Variants in COL28A1 observed in about 807,000 individuals in gnomAD.
COL28A1 encodes the protein collagen alpha-1(XXVIII) chain.
In COL28A1, 161 loss-of-function variants were observed where a neutral mutation model predicts 150.2. The observed-to-expected ratio is 1.07, with a 90% CI of 0.94 to 1.22. The LOEUF (loss-of-function observed/expected upper bound fraction) is 1.22. COL28A1 is among the 50% of genes most tolerant of loss of function. COL28A1 has a pLI of 0.00. For missense variants in COL28A1, 1,617 were observed against 1,388.3 expected (o/e 1.16, Z -2.62); for synonymous variants, 552 against 469.7 (o/e 1.18, Z -2.26).
intron 27 of COL28A1, among the ~76,000 whole-genome samples, chr7:7,394,016 CCAAA>C (rs1221235641): frequency 2.0e-5 from 3 of 152,038 alleles, no homozygotes; most frequent in African/African-American, 7.2e-5. Flanking sequence ...CGGTGTCTGC[CCAAA>C]CAGCCTCCCA....
Position 7,502,849 on chromosome 7 carries a change from T to C in COL28A1, c.1026+3165A>G, listed in dbSNP as rs543944626. ...AGTAGCTGGGACTACAGGCGCCCGC[T>C]ACCACGCCCGGCTAATTTTTTGTAT... On this transcript the variant is annotated intron_variant, in intron 11 of 34. Coordinates refer to ENST00000399429, the MANE Select transcript of COL28A1 (RefSeq NM_001037763.3). 3.7e-3 allele frequency among the ~76,000 whole-genome samples: 353 copies of C among 96,608 alleles called. 146 individuals are homozygous for C. Among genetic ancestry groups the C allele is most frequent in the African/African-American group, 0.027 (330 of 12,182 alleles). The allele number at this position is 96,608 out of a possible 152,430, so 63.4% of individuals were successfully genotyped here. A position where few individuals can be genotyped will look rare whatever the true frequency, so the allele number is the denominator to read the frequency against.
At chr7:7,408,832 T>C (rs1460246719) in intron 27 of COL28A1, among the ~76,000 whole-genome samples, 1 of 152,174 alleles carries the variant, frequency 6.6e-6, no homozygotes, top group East Asian at 1.9e-4. Context: ...TCTCCATGTG[T>C]CAACTTTAAA....
intron 14 of COL28A1, among the ~76,000 whole-genome samples, chr7:7,476,557 C>A (rs567047377): frequency 1.3e-5 from 2 of 152,296 alleles, no homozygotes; most frequent in South Asian, 2.1e-4. Flanking sequence ...TTGCTATCTG[C>A]CCCTTTACAG....
At chr7:7,383,680 G>GTATATATATATATA (rs1366244976) in intron 27 of COL28A1, among the ~76,000 whole-genome samples, 1 of 46,352 alleles carries the variant, frequency 2.2e-5, no homozygotes, top group African/African-American at 5.5e-5. Flanking sequence ...GTGTGTGTGT[G>GTATATATATATATA]TGTATATATA....
intron 23 of COL28A1, among the ~76,000 whole-genome samples, chr7:7,434,316 T>C (rs1356362063): frequency 1.3e-5 from 2 of 152,188 alleles, no homozygotes; most frequent in South Asian, 2.1e-4. Context: ...ATTCCAACTA[T>C]GGGGAACTGG....
At chr7:7,522,387 C>T (rs1466224602) in intron 4 of COL28A1, among the ~76,000 whole-genome samples, 1 of 152,040 alleles carries the variant, frequency 6.6e-6, no homozygotes, top group Non-Finnish European at 1.5e-5. Flanking sequence ...ATTAAATGCT[C>T]CTTTACTAGG....
chr7:7,380,883 T>G, intron 28 of COL28A1, 21 bp from the exon 29 acceptor site: 1 of 1,592,744 alleles, frequency 6.3e-7, no homozygotes, highest in Non-Finnish European at 8.6e-7. Context: ...TAGGGTAAAA[T>G]GATAGGTTCA....
intron 15 of COL28A1, among the ~76,000 whole-genome samples, chr7:7,463,120 T>C (rs1425457148): frequency 6.6e-6 from 1 of 151,936 alleles, no homozygotes; most frequent in Non-Finnish European, 1.5e-5. Flanking sequence ...GGAGGAATAA[T>C]CGAGGAAAAC....
chr7:7,417,237 G>C (rs1391391601), intron 27 of COL28A1, among the ~76,000 whole-genome samples: 1 of 151,894 alleles, frequency 6.6e-6, no homozygotes, highest in East Asian at 1.9e-4. Flanking sequence ...CAGAAGCAAA[G>C]TGACATGCAG....
chr7:7,486,404 T>A (rs535489381), intron 13 of COL28A1, among the ~76,000 whole-genome samples: 2 of 152,310 alleles, frequency 1.3e-5, no homozygotes, highest in African/African-American at 4.8e-5. Flanking sequence ...TAGTTTTATT[T>A]ATTGTTTTTA....
chr7:7,349,579 G>A, the COL28A1 span, among the ~76,000 whole-genome samples: 4 of 151,944 alleles, frequency 2.6e-5, no homozygotes, highest in Non-Finnish European at 4.4e-5. Flanking sequence ...GTATTTTCCC[G>A]TCCATCCTGG....
chr7:7,345,810 A>G, the COL28A1 span, among the ~76,000 whole-genome samples: 5 of 152,048 alleles, frequency 3.3e-5, no homozygotes, highest in Non-Finnish European at 7.4e-5. Context: ...CTTGACAATG[A>G]TGTGGCTATG....
At chr7:7,441,700 G>A (rs551055999) in intron 20 of COL28A1, among the ~76,000 whole-genome samples, 3 of 152,094 alleles carry the variant, frequency 2.0e-5, no homozygotes, top group Non-Finnish European at 4.4e-5. Context: ...TCTGCACTGA[G>A]GTCCAAACAT....
At chr7:7,540,855 G>C (rs2115287844), upstream of COL28A1, among the ~76,000 whole-genome samples, 1 of 152,088 alleles carries the variant, frequency 6.6e-6, no homozygotes, top group Non-Finnish European at 1.5e-5. Flanking sequence ...TTCTCCTCCA[G>C]GTTTGGACAG....
chr7:7,389,080 T>C (rs1782374030), intron 27 of COL28A1, among the ~76,000 whole-genome samples: 1 of 152,204 alleles, frequency 6.6e-6, no homozygotes, highest in African/African-American at 2.4e-5. Context: ...CATGCCTATG[T>C]CCTGAATGGT....
chr7:7,358,736 T>A lies in COL28A1; in HGVS notation c.3275A>T (p.Lys1092Ile). The A allele has an allele frequency of 6.2e-7, 1 of 1,613,996 alleles. No individual in the cohort carries two copies. The highest frequency in any genetic ancestry group is 1.1e-5 in the South Asian group (1 of 91,072). The stretch of plus-strand genomic sequence containing the variant: ...AAATCGGGCACAAGAGTTGACCTGT[T>A]TGTCATAATACCATCGAACCACATA... ...GEYVVRWYYD[K>I]QVNSCARFWF... Residue 1092 changes from lysine (K) to isoleucine (I), a missense_variant, in exon 35 of 35, where the codon AAA (lysine) becomes ATA (isoleucine). By Grantham distance (102) the Lys-to-Ile change is moderately radical (BLOSUM62 -3). Transcript: ENST00000399429.
chr7:7,375,463 C>T lies in COL28A1; in HGVS notation c.2357G>A (p.Cys786Tyr), dbSNP rs766211343. ...TTTTTTCCTTGATCAAATCTTACCACATATTTCTGTAATAAGTTTGATAAT... is the reference window on the plus strand; with the variant it reads ...TTTTTTCCTTGATCAAATCTTACCATATATTTCTGTAATAAGTTTGATAAT... Reference protein sequence around the residue: ...EEIIKLITEICGCGPKCKETP... With the variant: ...EEIIKLITEIYGCGPKCKETP... The change falls in exon 31 of 35, where the codon TGT becomes TAT. Residue 786 changes from cysteine (C) to tyrosine (Y), a missense_variant and splice_region_variant. Transcript: ENST00000399429. The T allele has an allele frequency of 1.9e-6, 3 of 1,575,092 alleles. No individual in the cohort carries two copies. Among genetic ancestry groups the T allele is most frequent in the Admixed American group, 1.7e-5 (1 of 58,708 alleles).
chr7:7,433,782 G>A (rs1257463796), intron 23 of COL28A1, among the ~76,000 whole-genome samples: 1 of 152,002 alleles, frequency 6.6e-6, no homozygotes, highest in African/African-American at 2.4e-5. Context: ...TCAATATGCA[G>A]CCCTTGTTTT....
At chr7:7,394,659 G>A (rs1322814550) in intron 27 of COL28A1, among the ~76,000 whole-genome samples, 2 of 152,016 alleles carry the variant, frequency 1.3e-5, no homozygotes, top group Non-Finnish European at 2.9e-5. Context: ...CAGTTTGTAG[G>A]TCTGATGCTG....
Sources: allele counts gnomAD v4.1 joint callset (sites outside exome capture counted in the v4.1 genomes callset), GRCh38; gene constraint gnomAD v4.1.1; transcripts MANE v1.5; gene names NCBI Gene and HGNC (gene_info 2026-07-23, HGNC 2026-07-21).